The following ERRFI1 variants were observed in gnomAD, a reference collection of about 807,000 sequenced individuals.
ERRFI1 encodes mitogen-inducible gene 6 protein.
Under a neutral mutation model 14.6 loss-of-function variants are expected in ERRFI1, and 12 were observed. That is an observed-to-expected ratio of 0.82 (90% CI 0.53 to 1.33). The LOEUF is 1.33. Among genes scored for constraint, ERRFI1 ranks in the 40% most tolerant of loss-of-function variants. The probability of loss-of-function intolerance (pLI) is 0.00; values close to 1 mark genes in which losing one functional copy is unlikely to be tolerated. For missense variants in ERRFI1, 482 were observed against 572.1 expected (o/e 0.84, Z 1.61); for synonymous variants, 202 against 209.9 (o/e 0.96, Z 0.32).
chr1:8,015,537 T>C lies in ERRFI1; in HGVS notation c.83A>G (p.Asn28Ser), dbSNP rs914522975. The C allele has an allele frequency of 7.4e-6, 12 of 1,614,068 alleles. No individual in the cohort carries two copies. The highest frequency in any genetic ancestry group is 1.0e-5 in the Non-Finnish European group (12 of 1,180,014). Residue 28 changes from asparagine (N) to serine (S), a missense_variant, in exon 2 of 4, where the codon AAT becomes AGT. Physicochemically the swap from Asn to Ser is conservative, Grantham distance 46. Coordinates refer to ENST00000377482, the MANE Select transcript of ERRFI1 (RefSeq NM_018948.4). ...ACTGCTCCAGTAGGTCTTCCTCATA[T>C]TCCCCATGGCTCGGCCATTATGTAG... ...GFLHNGRAMGNMRKTYWSSRS... is the reference protein window; with the variant it reads ...GFLHNGRAMGSMRKTYWSSRS...
At chr1:8,018,911 A>G (rs1364600296) in intron 1 of ERRFI1, among the ~76,000 whole-genome samples, 1 of 152,074 alleles carries the variant, frequency 6.6e-6, no homozygotes, top group Admixed American at 6.6e-5. Context: ...TTGTCTGGTG[A>G]TTATCTTTCC....
intron 1 of ERRFI1, among the ~76,000 whole-genome samples, chr1:8,020,552 A>AT (rs36053481): frequency 0.54 from 72,609 of 134,068 alleles, 20,281 homozygotes; most frequent in East Asian, 0.61. Context: ...AAAAACACCA[A>AT]TTTTTTTTTT....
chr1:8,025,281 T>A (rs573629340), intron 1 of ERRFI1, among the ~76,000 whole-genome samples: 1 of 152,322 alleles, frequency 6.6e-6, no homozygotes, highest in Middle Eastern at 3.4e-3. Flanking sequence ...TACAGCACCA[T>A]TCACGGTTAA....
At chr1:8,022,469 T>C (rs189707097) in intron 1 of ERRFI1, among the ~76,000 whole-genome samples, 1 of 152,310 alleles carries the variant, frequency 6.6e-6, no homozygotes, top group East Asian at 1.9e-4. Context: ...ACAACATCCC[T>C]GTAAGAAGAG....
chr1:8,015,288 C>A lies in ERRFI1; in HGVS notation c.202+20G>T. On this transcript the variant is annotated intron_variant, in intron 3 of 3. Coordinates refer to ENST00000377482, the MANE Select transcript of ERRFI1 (RefSeq NM_018948.4). Reference sequence around the variant, plus strand: ...GTTCTTCTCAAATGCTTACTGTGATCAGATTTTCAGAATACATACCAAGTG... The same window carrying A: ...GTTCTTCTCAAATGCTTACTGTGATAAGATTTTCAGAATACATACCAAGTG... The A allele has an allele frequency of 6.2e-7, 1 of 1,605,592 alleles. No homozygotes were observed. Among genetic ancestry groups the A allele is most frequent in the South Asian group, 1.1e-5 (1 of 90,854 alleles).
At chr1:8,025,892 G>A (rs1017213208) in intron 1 of ERRFI1, among the ~76,000 whole-genome samples, 2 of 151,964 alleles carry the variant, frequency 1.3e-5, no homozygotes, top group African/African-American at 2.4e-5. Flanking sequence ...GGCGGGCGCC[G>A]GCACTTCGCG....
chr1:8,015,523 AG>A lies in ERRFI1; in HGVS notation c.96del (p.Tyr33ThrfsTer13). 6.2e-7 allele frequency: 1 copy of A among 1,614,194 alleles called. No homozygotes were observed. The highest frequency in any genetic ancestry group is 1.1e-5 in the South Asian group (1 of 91,084). ...TTAAACTCACTGCGACTGCTCCAGT[AG>A]GTCTTCCTCATATTCCCCATGGCTC... ...NGRAMGNMRK[T>X]YWSSRSEFKN... On this transcript the variant is annotated frameshift_variant, in exon 2 of 4. Transcript: ENST00000377482. LOFTEE classifies it high-confidence loss of function.
At chr1:8,015,407 T>A in intron 2 of ERRFI1, 23 bp from the exon 3 acceptor site, 1 of 1,614,132 alleles carries the variant, frequency 6.2e-7, no homozygotes, top group Non-Finnish European at 8.5e-7. Context: ...GAAGCTACTT[T>A]GGTCATAAGC....
chr1:8,012,261 TAAAA>T lies in ERRFI1; in HGVS notation c.*945_*948del, dbSNP rs878987490. Reference sequence around the variant, plus strand: ...GTGTTGTATGTTTATTAATACAGTCTAAAAAAAAAAAGCAAAACCACAACACACA... The same window carrying T: ...GTGTTGTATGTTTATTAATACAGTCTAAAAAAAGCAAAACCACAACACACA... On this transcript the variant is annotated 3_prime_UTR_variant, in exon 4 of 4. Coordinates refer to ENST00000377482, the MANE Select transcript of ERRFI1 (RefSeq NM_018948.4). The T allele has an allele frequency of 5.5e-6, 1 of 182,728 alleles. No individual in the cohort carries two copies. Among genetic ancestry groups the T allele is most frequent in the Non-Finnish European group, 1.1e-5 (1 of 89,570 alleles). 11.3% of individuals were successfully genotyped at this position (182,728 alleles called of 1,614,324 possible).
At chr1:8,023,997 C>G (rs1324855384) in intron 1 of ERRFI1, among the ~76,000 whole-genome samples, 1 of 152,216 alleles carries the variant, frequency 6.6e-6, no homozygotes, top group East Asian at 1.9e-4. Context: ...AGATCAAGAG[C>G]AGAGTTGTTT....
intron 1 of ERRFI1, among the ~76,000 whole-genome samples, chr1:8,019,984 T>C (rs536989655): frequency 6.6e-6 from 1 of 151,762 alleles, no homozygotes; most frequent in South Asian, 2.1e-4. Context: ...TTCATTTTTC[T>C]AAAAAAGTTA....
In ERRFI1 at chr1:8,025,650, C is replaced by A. The variant is rs1045116078; in HGVS notation, c.-74+508G>T. Among the ~76,000 whole-genome samples, 3 of 152,114 alleles carry A rather than the reference C, an allele frequency of 2.0e-5. No homozygotes were observed. The South Asian group carries it at 6.2e-4, about 31-fold the overall frequency. ...GGTGTGAACAAGACAACGCAACCCC[C>A]TTTTTACAAATAAAAAAAAAATCAA... On this transcript the variant is annotated intron_variant, in intron 1 of 3. Coordinates refer to ENST00000377482, the MANE Select transcript of ERRFI1 (RefSeq NM_018948.4).
intron 1 of ERRFI1, among the ~76,000 whole-genome samples, chr1:8,016,934 C>T (rs1230370471): frequency 1.4e-5 from 2 of 145,610 alleles, no homozygotes; most frequent in Non-Finnish European, 3.0e-5. Flanking sequence ...TGCTCAGCAA[C>T]TTCAAATCTA....
At position 8,013,320 on chromosome 1, in the gene ERRFI1, G is replaced by T. The variant is rs765095976; in HGVS notation, c.1279C>A (p.Pro427Thr). The T allele has an allele frequency of 1.2e-6, 2 of 1,614,192 alleles. No homozygotes were observed. The highest frequency in any genetic ancestry group is 1.7e-6 in the Non-Finnish European group (2 of 1,180,036). Residue 427 changes from proline (P) to threonine (T), a missense_variant, in exon 4 of 4, where the codon CCT becomes ACT. Pro to Thr is a conservative substitution (Grantham distance 38, BLOSUM62 -1). Transcript: ENST00000377482. The surrounding 1 kb of genome is among the most constrained non-coding windows in gnomAD (Gnocchi z 4.3). The stretch of plus-strand genomic sequence containing the variant: ...GCTGAAGATATACCGCAGTCAGCAG[G>T]TAATGGCTGGATTTGGGCGCCTCCA... ...TNGGAQIQPL[P>T]ADCGISSATE...
At chr1:8,018,391 G>A (rs545005642) in intron 1 of ERRFI1, among the ~76,000 whole-genome samples, 2 of 141,662 alleles carry the variant, frequency 1.4e-5, no homozygotes, top group African/African-American at 2.7e-5. Context: ...GGGGGGGCGC[G>A]GAGTAAATAA....
rs531218404 is a variant in ERRFI1 at position 8,026,279 on chromosome 1, C to A, written c.-195G>T. The A allele has an allele frequency of 8.5e-5, 13 of 153,236 alleles. No homozygotes were observed. The highest frequency in any genetic ancestry group is 6.2e-4 in the South Asian group (3 of 4,866). The allele number at this position is 153,236 out of a possible 1,614,324, so 9.5% of individuals were successfully genotyped here. A position where few individuals can be genotyped will look rare whatever the true frequency, so the allele number is the denominator to read the frequency against. On this transcript the variant is annotated 5_prime_UTR_variant, in exon 1 of 4. Transcript: ENST00000377482. ...CGCCTCTTGCTGGCTCGCGCTCCCGCTAGCACTCTGCCTCGCACCGGACCG... is the reference window on the plus strand; with the variant it reads ...CGCCTCTTGCTGGCTCGCGCTCCCGATAGCACTCTGCCTCGCACCGGACCG...
intron 3 of ERRFI1, 80 bp from the exon 4 acceptor site, chr1:8,014,476 T>C: frequency 7.4e-7 from 1 of 1,346,744 alleles, no homozygotes; most frequent in Non-Finnish European, 1.0e-6. Flanking sequence ...CCCAGCTACC[T>C]ATGCTTCCAC....
chr1:8,015,221 TA>T, intron 3 of ERRFI1, 86 bp downstream of exon 3: 1 of 1,209,436 alleles, frequency 8.3e-7, no homozygotes, highest in Non-Finnish European at 1.2e-6. Context: ...TTTCCTCATT[TA>T]AAAAATAATG....
In ERRFI1 at chr1:8,014,353, T is replaced by C. The variant is rs1183920044; in HGVS notation, c.246A>G (p.Ala82=). ...TGGACTTTTGAGATGGACCATTTTC[T>C]GCAAAGCAGTGGCCATTCATCGGAG... ...KSAPMNGHCF[A]ENGPSQKSSL... The change falls in exon 4 of 4, where the codon GCA becomes GCG. Residue 82 remains alanine (A), a synonymous_variant. Transcript: ENST00000377482. 4 of 1,605,174 alleles carry C rather than the reference T, an allele frequency of 2.5e-6. No individual in the cohort carries two copies. Among genetic ancestry groups the C allele is most frequent in the Non-Finnish European group, 3.4e-6 (4 of 1,175,006 alleles).
Sources: allele counts gnomAD v4.1 joint callset (sites outside exome capture counted in the v4.1 genomes callset), GRCh38; gene constraint gnomAD v4.1.1; non-coding constraint Gnocchi (gnomAD v3.1); transcripts MANE v1.5; gene names NCBI Gene and HGNC (gene_info 2026-07-23, HGNC 2026-07-21).